OSBPL5: variants seen among roughly 807,000 people sequenced by gnomAD.
OSBPL5 encodes the protein oxysterol binding protein like 5.
A neutral mutation model predicts 111.2 loss-of-function variants in OSBPL5; 71 were observed. That is an observed-to-expected ratio of 0.64 (90% CI 0.53 to 0.78). The LOEUF (loss-of-function observed/expected upper bound fraction) is 0.78, where lower values mean the gene tolerates loss of function less well. Ranked by LOEUF, OSBPL5 falls within the 30% of genes least tolerant of loss-of-function variation. The pLI is 0.00. For synonymous variants in OSBPL5, 549 were observed against 513.9 expected, an observed-to-expected ratio of 1.07 and a Z score of -0.93; for missense variants, 1,210 against 1,189.3, an observed-to-expected ratio of 1.02 and a Z score of -0.26.
At position 3,132,070 on chromosome 11, in the gene OSBPL5, C is replaced by T. The variant is rs115673872; in HGVS notation, c.-21-2901G>A. Among the ~76,000 whole-genome samples, 557 of 150,476 alleles carry T rather than the reference C, an allele frequency of 3.7e-3. 7 individuals are homozygous for T. Among genetic ancestry groups the T allele is most frequent in the African/African-American group, 0.013 (532 of 40,668 alleles). On this transcript the variant is annotated intron_variant, in intron 1 of 21. Coordinates refer to ENST00000263650, the MANE Select transcript of OSBPL5 (RefSeq NM_020896.4). ...CCATCCATTCACCCACCTGCCACCC[C>T]TCTATCCCTCCTTGAAGCTCTCCAG...
chr11:3,157,668 T>G (rs777236477), intron 1 of OSBPL5, among the ~76,000 whole-genome samples: 3 of 152,214 alleles, frequency 2.0e-5, no homozygotes, highest in Non-Finnish European at 4.4e-5. Context: ...GGAGCAGAGA[T>G]GAAGGCGGCC....
rs760674479 is a variant in OSBPL5, at chr11:3,104,182, A to G, written c.1244+11T>C. 1 of 1,593,900 alleles carries G rather than the reference A, an allele frequency of 6.3e-7. No homozygotes were observed. The highest frequency in any genetic ancestry group is 2.3e-5 in the East Asian group (1 of 44,260). On this transcript the variant is annotated intron_variant, in intron 10 of 21. Coordinates refer to ENST00000263650, the MANE Select transcript of OSBPL5 (RefSeq NM_020896.4). The surrounding 1 kb of genome is among the most constrained non-coding windows in gnomAD (Gnocchi z 5.0). The stretch of plus-strand genomic sequence containing the variant: ...CGAGGTGTGGGGTGCCCCTCCCGGC[A>G]TGGCGCGCACCTGGAGAGCAGGTCT...
chr11:3,152,917 C>G (rs980059161), intron 1 of OSBPL5, among the ~76,000 whole-genome samples: 1 of 152,164 alleles, frequency 6.6e-6, no homozygotes, highest in Non-Finnish European at 1.5e-5. Flanking sequence ...CTGCCGCGTC[C>G]GTCCGCTCCC....
rs1373615617 is a variant in OSBPL5 at position 3,113,616 on chromosome 11, T to C, written c.692-5671A>G. ...TAACAGTGAGCCAAGATCGCACCAC[T>C]GCACTCCAGCCTGGGAGACTAGAGC... On this transcript the variant is annotated intron_variant, in intron 7 of 21. Transcript: ENST00000263650. This position sits in a 1 kb window ranked among gnomAD's most constrained non-coding sequence, Gnocchi z 4.8. Among the ~76,000 whole-genome samples the C allele has an allele frequency of 1.3e-5, 2 of 151,632 alleles. No homozygotes were observed. Among genetic ancestry groups the C allele is most frequent in the Non-Finnish European group, 2.9e-5 (2 of 67,938 alleles).
intron 1 of OSBPL5, among the ~76,000 whole-genome samples, chr11:3,158,355 C>T (rs1846843758): frequency 6.6e-6 from 1 of 152,278 alleles, no homozygotes; most frequent in Admixed American, 6.5e-5. Context: ...CCAAGGAGAT[C>T]AGAGGGTGCC....
chr11:3,150,918 C>T (rs1846560720), intron 1 of OSBPL5, among the ~76,000 whole-genome samples: 1 of 152,280 alleles, frequency 6.6e-6, no homozygotes, highest in African/African-American at 2.4e-5. Context: ...CGGCGGGCTG[C>T]CCGCTGTGGC....
chr11:3,087,432 T>C lies in OSBPL5; in HGVS notation c.*773A>G. On this transcript the variant is annotated 3_prime_UTR_variant, in exon 22 of 22. Coordinates refer to ENST00000263650, the MANE Select transcript of OSBPL5 (RefSeq NM_020896.4). ...AAAAAAGTGTAAAATGGGAAGACTG[T>C]GCATCGGTCTGAGTAAAGTGGCGAA... The C allele has an allele frequency of 6.5e-6, 1 of 154,604 alleles. No homozygotes were observed. Among genetic ancestry groups the C allele is most frequent in the Middle Eastern group, 5.4e-4 (1 of 1,856 alleles). The allele number at this position is 154,604 out of a possible 1,614,324, so 9.6% of individuals were successfully genotyped here.
intron 1 of OSBPL5, among the ~76,000 whole-genome samples, chr11:3,131,315 C>T (rs1348994584): frequency 6.6e-6 from 1 of 152,148 alleles, no homozygotes; most frequent in African/African-American, 2.4e-5. Context: ...TGTATCCCTC[C>T]ATCTATACAT....
rs560564893 is a variant in OSBPL5, at chr11:3,147,954, C to A, written c.-22+17262G>T. On this transcript the variant is annotated intron_variant, in intron 1 of 21. Transcript: ENST00000263650. ...ACCGAGCTGCCCTCGGTTCCCAGGACCTCTGGGGCCACTAGCTGGGCTCCT... is the reference window on the plus strand; with the variant it reads ...ACCGAGCTGCCCTCGGTTCCCAGGAACTCTGGGGCCACTAGCTGGGCTCCT... 7.9e-5 allele frequency among the ~76,000 whole-genome samples: 12 copies of A among 152,274 alleles called. No individual in the cohort carries two copies. The South Asian group carries it at 2.3e-3, about 29-fold the overall frequency.
rs760457132 is a variant in OSBPL5, at chr11:3,093,618, G to C, written c.1855C>G (p.Leu619Val). ...IKEEGSGSSA[L>V]FWTPSGEVRR... ...ACCTCCCCGCTCGGGGTCCAGAAAA[G>C]CGCACTGCTTCCGCTCCCTTCCTCC... The change falls in exon 17 of 22, where the codon CTT becomes GTT. Residue 619 changes from leucine to valine, a missense_variant. Physicochemically the swap from Leu to Val is conservative, Grantham distance 32 (BLOSUM62 1). Coordinates refer to ENST00000263650, the MANE Select transcript of OSBPL5 (RefSeq NM_020896.4). 1 of 1,613,056 alleles carries C rather than the reference G, an allele frequency of 6.2e-7. No homozygotes were observed. Among genetic ancestry groups the C allele is most frequent in the Non-Finnish European group, 8.5e-7 (1 of 1,179,974 alleles).
At position 3,088,308 on chromosome 11, in the gene OSBPL5, G is replaced by A. The variant is rs770476441; in HGVS notation, c.2537C>T (p.Ala846Val). 1 of 1,601,828 alleles carries A rather than the reference G, an allele frequency of 6.2e-7. No homozygotes were observed. Among genetic ancestry groups the A allele is most frequent in the Non-Finnish European group, 8.5e-7 (1 of 1,175,266 alleles). ...LSAMLSSTAR[A>V]AQAPTPGLLQ... Reference sequence around the variant, plus strand: ...GAGGCCTGGGGTCGGTGCCTGTGCTGCCCGTGCCGTGGAGCTCAGCATGGC... The same window carrying A: ...GAGGCCTGGGGTCGGTGCCTGTGCTACCCGTGCCGTGGAGCTCAGCATGGC... Residue 846 changes from alanine (A) to valine (V), a missense_variant, in exon 22 of 22, where the codon GCA becomes GTA. Physicochemically the swap from Ala to Val is moderately conservative, Grantham distance 64. Coordinates refer to ENST00000263650, the MANE Select transcript of OSBPL5 (RefSeq NM_020896.4).
At chr11:3,145,839 C>T (rs1381235056) in intron 1 of OSBPL5, among the ~76,000 whole-genome samples, 8 of 152,202 alleles carry the variant, frequency 5.3e-5, no homozygotes, top group African/African-American at 1.9e-4. Flanking sequence ...CCTGGTAGCC[C>T]AGCCTGCGTT....
chr11:3,127,951 C>T (rs1858688631), intron 2 of OSBPL5, among the ~76,000 whole-genome samples: 1 of 152,222 alleles, frequency 6.6e-6, no homozygotes, highest in African/African-American at 2.4e-5. Flanking sequence ...CCCTCTGAAA[C>T]TGACCAGCAG....
chr11:3,104,335 T>C lies in OSBPL5; in HGVS notation c.1102A>G (p.Lys368Glu). Residue 368 changes from lysine (K) to glutamate (E), a missense_variant, in exon 10 of 22, where the codon AAG becomes GAG. Physicochemically the swap from Lys to Glu is moderately conservative, Grantham distance 56. Coordinates refer to ENST00000263650, the MANE Select transcript of OSBPL5 (RefSeq NM_020896.4). The surrounding 1 kb of genome is among the most constrained non-coding windows in gnomAD (Gnocchi z 5.0). Reference protein sequence around the residue: ...SQVETVSEENKSLMWTLLKQL... With the variant: ...SQVETVSEENESLMWTLLKQL... ...TTCAGCAGGGTCCACATCAGACTCT[T>C]GTTCTCCTCTGACACTGTCTCCACC... The C allele has an allele frequency of 6.2e-7, 1 of 1,613,154 alleles. No homozygotes were observed. The highest frequency in any genetic ancestry group is 8.5e-7 in the Non-Finnish European group (1 of 1,179,928).
intron 3 of OSBPL5, among the ~76,000 whole-genome samples, chr11:3,123,482 G>A (rs1018211959): frequency 3.3e-5 from 5 of 152,242 alleles, no homozygotes; most frequent in African/African-American, 4.8e-5. Context: ...GGCTGTTCTC[G>A]TGCTTGGATG....
Position 3,141,994 on chromosome 11 carries a change from CCT to C in OSBPL5, c.-21-12827_-21-12826del, listed in dbSNP as rs1411705293. Among the ~76,000 whole-genome samples, 1 of 152,180 alleles carries C rather than the reference CCT, an allele frequency of 6.6e-6. No homozygotes were observed. The highest frequency in any genetic ancestry group is 1.5e-5 in the Non-Finnish European group (1 of 68,034). ...ATGGCACGATCTTGGCTCACTGCAA[CCT>C]CTGTCTCCCGGGTTCAAGCAATTAT... On this transcript the variant is annotated intron_variant, in intron 1 of 21. Coordinates refer to ENST00000263650, the MANE Select transcript of OSBPL5 (RefSeq NM_020896.4). This position sits in a 1 kb window ranked among gnomAD's most constrained non-coding sequence, Gnocchi z 6.5.
In OSBPL5 at chr11:3,089,953, G is replaced by A. The variant is rs1028364259; in HGVS notation, c.2399-5C>T. 2.0e-6 allele frequency: 3 copies of A among 1,535,008 alleles called. No homozygotes were observed. Among genetic ancestry groups the A allele is most frequent in the Non-Finnish European group, 2.6e-6 (3 of 1,138,076 alleles). ...GAGGGCATGGGCTCTCACCGCCTGG[G>A]ACGGCCCCGAGTGAGACAAAGGAGG... On this transcript the variant is annotated splice_polypyrimidine_tract_variant and splice_region_variant and intron_variant, in intron 20 of 21. Transcript: ENST00000263650.
At chr11:3,143,035 G>T (rs80002661) in intron 1 of OSBPL5, among the ~76,000 whole-genome samples, 1 of 44,146 alleles carries the variant, frequency 2.3e-5, no homozygotes, top group Non-Finnish European at 5.0e-5. Context: ...AGGTGCGGGG[G>T]GGGGCAGAGG....
intron 1 of OSBPL5, among the ~76,000 whole-genome samples, chr11:3,157,198 G>A (rs1846795836): frequency 6.6e-6 from 1 of 152,256 alleles, no homozygotes; most frequent in Non-Finnish European, 1.5e-5. Context: ...CCACGAGGGA[G>A]GAAAGCAAGC....
Sources: gnomAD v4.1 joint callset for allele counts (sites outside exome capture counted in the v4.1 genomes callset) on GRCh38, gnomAD v4.1.1 for gene constraint, Gnocchi (gnomAD v3.1) non-coding constraint, MANE v1.5 for transcripts, NCBI Gene and HGNC (gene_info 2026-07-23, HGNC 2026-07-21) for gene names.